Variants in ATRN observed in about 807,000 individuals in gnomAD.
ATRN encodes attractin.
Under a neutral mutation model 178.7 loss-of-function variants are expected in ATRN, and 54 were observed. The observed-to-expected ratio is 0.30, with a 90% confidence interval of 0.24 to 0.38. The LOEUF (loss-of-function observed/expected upper bound fraction) is 0.38. Among genes scored for constraint, ATRN ranks in the 10% least tolerant of loss-of-function variants. The pLI, the probability that ATRN is intolerant of heterozygous loss-of-function variation, is 1.00. For synonymous variants in ATRN, 636 were observed against 663.0 expected (o/e 0.96, Z 0.63); for missense variants, 1,443 against 1,815.1 (o/e 0.79, Z 3.73).
At chr20:3,519,007 A>T (rs1055256322) in intron 1 of ATRN, among the ~76,000 whole-genome samples, 3 of 90,080 alleles carry the variant, frequency 3.3e-5, no homozygotes, top group African/African-American at 7.7e-5. Context: ...CCTTATATAT[A>T]AAAAAAAAAA....
chr20:3,583,866 C>T, intron 16 of ATRN, 32 bp from the exon 17 acceptor site: 2 of 1,598,158 alleles, frequency 1.3e-6, no homozygotes, highest in Non-Finnish European at 8.6e-7. Flanking sequence ...ATGGTGGGAG[C>T]TCTAAGTGTC....
intron 6 of ATRN, 115 bp from the exon 7 acceptor site, chr20:3,559,278 C>A: frequency 1.3e-6 from 1 of 785,414 alleles, no homozygotes; most frequent in Non-Finnish European, 2.2e-6. Flanking sequence ...AAGTGCCCCC[C>A]TACATCCATG....
intron 6 of ATRN, among the ~76,000 whole-genome samples, chr20:3,550,177 A>G (rs2085766556): frequency 6.6e-6 from 1 of 152,118 alleles, no homozygotes; most frequent in South Asian, 2.1e-4. Flanking sequence ...AAAATACAAA[A>G]ATTAGCCAGG....
Position 3,575,900 on chromosome 20 carries a change from G to T in ATRN, c.2166G>T (p.Trp722Cys), listed in dbSNP as rs777866821. ...SCTANTNDCH[W>C]CNDHCVPRNH... ...CAGCCAACACCAATGACTGCCACTG[G>T]TGCAATGACCATTGTGTCCCCAGGA... Residue 722 changes from tryptophan (W) to cysteine (C), a missense_variant, in exon 13 of 29, where the codon TGG (tryptophan) becomes TGT (cysteine). By Grantham distance (215) the Trp-to-Cys change is radical. Coordinates refer to ENST00000262919, the MANE Select transcript of ATRN (RefSeq NM_139321.3). 6.2e-7 allele frequency: 1 copy of T among 1,614,130 alleles called. No homozygotes were observed.
chr20:3,471,290 G>A lies in ATRN; in HGVS notation c.183G>A (p.Leu61=). The change falls in exon 1 of 29, where the codon CTG becomes CTA. Residue 61 remains leucine (L), a synonymous_variant. Transcript: ENST00000262919. ...TGTCTCCACCGCTGCGGCCACGGCT[G>A]CTGCTGCTGCTGTTGTTGCTCTCGC... ...RLLSPPLRPR[L]LLLLLLLSPP... is the part of the protein sequence containing the mutation. The A allele has an allele frequency of 6.8e-7, 1 of 1,472,390 alleles. No homozygotes were observed. The highest frequency in any genetic ancestry group is 2.9e-5 in the East Asian group (1 of 34,360). 91.2% of individuals were successfully genotyped at this position (1,472,390 alleles called of 1,614,324 possible).
chr20:3,486,142 A>AT (rs1474006147), intron 1 of ATRN, among the ~76,000 whole-genome samples: 1 of 151,934 alleles, frequency 6.6e-6, no homozygotes, highest in Non-Finnish European at 1.5e-5. Context: ...TTCATAGGTA[A>AT]TTTTTTTTCT....
At chr20:3,508,788 A>G (rs182970540) in intron 1 of ATRN, among the ~76,000 whole-genome samples, 47 of 152,284 alleles carry the variant, frequency 3.1e-4, no homozygotes, top group Admixed American at 1.3e-4. Flanking sequence ...TAGAATATAG[A>G]ATTGAAATAT....
rs535185569 is a variant in ATRN at position 3,532,801 on chromosome 20, C to T, written c.411-2452C>T. 8.6e-5 allele frequency among the ~76,000 whole-genome samples: 13 copies of T among 151,786 alleles called. No individual in the cohort carries two copies. The South Asian group carries it at 1.2e-3, about 15-fold the overall frequency. On this transcript the variant is annotated intron_variant, in intron 1 of 28. Coordinates refer to ENST00000262919, the MANE Select transcript of ATRN (RefSeq NM_139321.3). ...TTTTTGAGACAGAGTCTCACTCTGT[C>T]GCCCAGGCTGGAGTGCAGTGGCGCG...
intron 1 of ATRN, among the ~76,000 whole-genome samples, chr20:3,479,006 G>T (rs974123275): frequency 7.0e-6 from 1 of 143,358 alleles, no homozygotes; most frequent in African/African-American, 2.6e-5. Flanking sequence ...AAGTGATCCT[G>T]CCACCTCAGC....
intron 1 of ATRN, among the ~76,000 whole-genome samples, chr20:3,520,699 T>C (rs1454869835): frequency 6.6e-6 from 1 of 152,024 alleles, no homozygotes; most frequent in African/African-American, 2.4e-5. Flanking sequence ...GTTTCGCCAT[T>C]TTGGCCAGGC....
intron 1 of ATRN, among the ~76,000 whole-genome samples, chr20:3,514,217 A>C (rs2085176021): frequency 1.3e-5 from 2 of 152,218 alleles, no homozygotes; most frequent in South Asian, 2.1e-4. Flanking sequence ...ATGACATGGC[A>C]AATTTCTAGA....
chr20:3,512,934 T>C (rs1192095550), intron 1 of ATRN, among the ~76,000 whole-genome samples: 2 of 152,176 alleles, frequency 1.3e-5, no homozygotes, highest in Admixed American at 6.5e-5. Flanking sequence ...TCATATCCTT[T>C]GCCCACTTTT....
At chr20:3,550,924 TAGACTGTGTCATTATCA>T (rs1271774739) in intron 6 of ATRN, among the ~76,000 whole-genome samples, 2 of 152,246 alleles carry the variant, frequency 1.3e-5, no homozygotes, top group African/African-American at 4.8e-5. Flanking sequence ...GGGCACCTCT[TAGACTGTGTCATTATCA>T]ATAACTGCAG....
At chr20:3,548,437 T>C (rs538303406) in intron 5 of ATRN, among the ~76,000 whole-genome samples, 1 of 151,720 alleles carries the variant, frequency 6.6e-6, no homozygotes, top group South Asian at 2.1e-4. Flanking sequence ...CTGTCTCTAC[T>C]AAAAAATACA....
At chr20:3,505,182 A>T (rs116435819) in intron 1 of ATRN, among the ~76,000 whole-genome samples, 1 of 152,150 alleles carries the variant, frequency 6.6e-6, no homozygotes, top group South Asian at 2.1e-4. Flanking sequence ...CCACCATCCA[A>T]TTGTTTGAGG....
At chr20:3,626,180 G>A (rs1009692757) in intron 25 of ATRN, among the ~76,000 whole-genome samples, 4 of 150,518 alleles carry the variant, frequency 2.7e-5, no homozygotes, top group Admixed American at 1.3e-4. Context: ...TGCAGTGAGC[G>A]GAGATTGCAC....
At chr20:3,522,682 GT>G (rs2085312005) in intron 1 of ATRN, among the ~76,000 whole-genome samples, 4 of 152,188 alleles carry the variant, frequency 2.6e-5, no homozygotes, top group African/African-American at 9.6e-5. Context: ...CTGACATCTG[GT>G]GGATACCCCT....
intron 1 of ATRN, chr20:3,490,035 T>C: frequency 9.6e-7 from 1 of 1,045,182 alleles, no homozygotes; most frequent in Admixed American, 1.7e-5. Flanking sequence ...AGTCAGAGTA[T>C]TCATAGATCT....
chr20:3,570,308 C>A (rs936230998), intron 11 of ATRN, among the ~76,000 whole-genome samples: 1 of 152,080 alleles, frequency 6.6e-6, no homozygotes, highest in Admixed American at 6.6e-5. Flanking sequence ...TAGAGTTTCC[C>A]GTAGTCCAGA....
Sources: allele counts gnomAD v4.1 joint callset (sites outside exome capture counted in the v4.1 genomes callset), GRCh38; gene constraint gnomAD v4.1.1; transcripts MANE v1.5; gene names NCBI Gene and HGNC (gene_info 2026-07-23, HGNC 2026-07-21).